UNC13C: variants seen among roughly 807,000 people sequenced by gnomAD.
UNC13C encodes the protein unc-13 homolog C.
Under a neutral mutation model 245.4 loss-of-function variants are expected in UNC13C, and 174 were observed. That is an observed-to-expected ratio of 0.71 (90% CI 0.63 to 0.80). The LOEUF is 0.80. Among genes scored for constraint, UNC13C ranks in the 30% least tolerant of loss-of-function variants. The pLI, the probability that UNC13C is intolerant of heterozygous loss-of-function variation, is 0.00. For missense variants in UNC13C, 2,829 were observed against 2,602.9 expected (o/e 1.09, Z -1.89); for synonymous variants, 992 against 895.1 (o/e 1.11, Z -1.93).
At chr15:53,916,578 G>A in the UNC13C span, among the ~76,000 whole-genome samples, 1 of 152,284 alleles carries the variant, frequency 6.6e-6, no homozygotes, top group African/African-American at 2.4e-5. Flanking sequence ...AGAGCTGCTT[G>A]CATCGTCGAG....
At chr15:54,199,356 A>G (rs767737708) in intron 4 of UNC13C, among the ~76,000 whole-genome samples, 1 of 152,132 alleles carries the variant, frequency 6.6e-6, no homozygotes, top group African/African-American at 2.4e-5. Flanking sequence ...TGGGAAATTC[A>G]TTGTAAAATG....
At position 54,098,471 on chromosome 15, in the gene UNC13C, G is replaced by A. The variant is rs1482789538; in HGVS notation, c.2984-44547G>A. ...ATTATAGGCGTGAGCTACCCTATCC[G>A]GCCCCTCCATAGCTTCTTCTCCTTC... On this transcript the variant is annotated intron_variant, in intron 2 of 32. Transcript: ENST00000260323. Among the ~76,000 whole-genome samples, 6 of 152,060 alleles carry A rather than the reference G, an allele frequency of 3.9e-5. No individual in the cohort carries two copies. The East Asian group carries it at 5.8e-4, about 15-fold the overall frequency.
chr15:54,345,661 C>T (rs1029732803), intron 17 of UNC13C, among the ~76,000 whole-genome samples: 2 of 152,160 alleles, frequency 1.3e-5, no homozygotes, highest in African/African-American at 4.8e-5. Flanking sequence ...CTTATTTTGA[C>T]TAATAGAACT....
chr15:53,898,410 AT>A, the UNC13C span, among the ~76,000 whole-genome samples: 1 of 82,194 alleles, frequency 1.2e-5, no homozygotes. Flanking sequence ...TTCCAGACAC[AT>A]ACACACACAC....
At chr15:54,127,147 C>T (rs574252848) in intron 2 of UNC13C, among the ~76,000 whole-genome samples, 182 of 152,220 alleles carry the variant, frequency 1.2e-3, no homozygotes, top group Non-Finnish European at 1.9e-3. Flanking sequence ...AACAGTGCGG[C>T]GATTCCTCAG....
chr15:54,415,861 G>C (rs2040508274), intron 19 of UNC13C, among the ~76,000 whole-genome samples: 1 of 152,168 alleles, frequency 6.6e-6, no homozygotes, highest in Admixed American at 6.6e-5. Flanking sequence ...GGAGTGTCTG[G>C]AGAAGCACCT....
intron 1 of UNC13C, among the ~76,000 whole-genome samples, chr15:53,980,223 C>T (rs1278045915): frequency 6.6e-6 from 1 of 152,152 alleles, no homozygotes; most frequent in Non-Finnish European, 1.5e-5. Context: ...ATCTGGAGCA[C>T]TTAGGCCGTA....
intron 2 of UNC13C, among the ~76,000 whole-genome samples, chr15:54,128,819 G>A (rs543826110): frequency 6.6e-6 from 1 of 152,262 alleles, no homozygotes; most frequent in East Asian, 1.9e-4. Context: ...AGTTGGGAGG[G>A]AAATTAGTAC....
chr15:54,161,314 T>C (rs966138349), intron 4 of UNC13C, among the ~76,000 whole-genome samples: 2 of 152,126 alleles, frequency 1.3e-5, no homozygotes, highest in African/African-American at 2.4e-5. Flanking sequence ...TAAGGCCAAT[T>C]TGGACACAGA....
chr15:54,175,229 T>C (rs978927619), intron 4 of UNC13C, among the ~76,000 whole-genome samples: 1 of 152,148 alleles, frequency 6.6e-6, no homozygotes, highest in Non-Finnish European at 1.5e-5. Flanking sequence ...TATGTAGGAT[T>C]CCAAGCAAAC....
chr15:54,225,842 T>C, intron 4 of UNC13C, among the ~76,000 whole-genome samples: 1 of 152,168 alleles, frequency 6.6e-6, no homozygotes, highest in East Asian at 1.9e-4. Flanking sequence ...TCCAATACTA[T>C]GTTGAATAGG....
At chr15:54,274,326 A>G (rs1159540241) in intron 10 of UNC13C, among the ~76,000 whole-genome samples, 2 of 152,238 alleles carry the variant, frequency 1.3e-5, no homozygotes, top group African/African-American at 2.4e-5. Context: ...AGAAATATCT[A>G]AAACAAAACC....
intron 30 of UNC13C, among the ~76,000 whole-genome samples, chr15:54,607,456 T>C (rs1351586190): frequency 6.6e-6 from 1 of 152,134 alleles, no homozygotes; most frequent in Non-Finnish European, 1.5e-5. Flanking sequence ...TCAGCACAGT[T>C]TGAATTTAGG....
chr15:54,074,109 T>A (rs1484579178), intron 2 of UNC13C, among the ~76,000 whole-genome samples: 2 of 142,180 alleles, frequency 1.4e-5, no homozygotes, highest in East Asian at 4.2e-4. Context: ...CTAGCCAGTT[T>A]TCCCAACACC....
chr15:54,091,557 A>G (rs1048320374), intron 2 of UNC13C, among the ~76,000 whole-genome samples: 4 of 152,090 alleles, frequency 2.6e-5, no homozygotes, highest in South Asian at 2.1e-4. Flanking sequence ...GTAAATTTTT[A>G]TATGCTTTAA....
At chr15:54,482,288 C>T (rs8023499) in intron 19 of UNC13C, among the ~76,000 whole-genome samples, 3 of 151,766 alleles carry the variant, frequency 2.0e-5, no homozygotes, top group African/African-American at 4.9e-5. Context: ...TCCAGTGAGG[C>T]CTGGGCTCTC....
rs77835431 is a variant in UNC13C at position 54,256,273 on chromosome 15, C to G, written c.3448+5829C>G. Among the ~76,000 whole-genome samples the G allele has an allele frequency of 2.6e-3, 401 of 152,188 alleles. 2 individuals are homozygous for G. Among genetic ancestry groups the G allele is most frequent in the African/African-American group, 9.3e-3 (387 of 41,514 alleles). ...ACACCAGGATGACTATAGGGCATCT[C>G]GGCAAGATCGTGCTAGAAAACAGAG... On this transcript the variant is annotated intron_variant, in intron 8 of 32. Coordinates refer to ENST00000260323, the MANE Select transcript of UNC13C (RefSeq NM_001080534.3).
At chr15:54,201,136 G>C (rs543197884) in intron 4 of UNC13C, among the ~76,000 whole-genome samples, 1 of 151,940 alleles carries the variant, frequency 6.6e-6, no homozygotes, top group African/African-American at 2.4e-5. Flanking sequence ...TCTCTGAACA[G>C]ACCAATAACA....
chr15:54,322,817 G>C (rs551193974), intron 14 of UNC13C, among the ~76,000 whole-genome samples: 1 of 152,034 alleles, frequency 6.6e-6, no homozygotes, highest in East Asian at 1.9e-4. Context: ...GAGTGGAGAT[G>C]GAGAAGAGAG....
Sources: gnomAD v4.1 joint callset for allele counts (sites outside exome capture counted in the v4.1 genomes callset) on GRCh38, gnomAD v4.1.1 for gene constraint, MANE v1.5 for transcripts, NCBI Gene and HGNC (gene_info 2026-07-23, HGNC 2026-07-21) for gene names.